ST8SIA4: variants seen among roughly 807,000 people sequenced by gnomAD.
ST8SIA4 encodes ST8 alpha-N-acetyl-neuraminide alpha-2,8-sialyltransferase 4, also known as CMP-N-acetylneuraminate-poly-alpha-2,8-sialyltransferase.
Under a neutral mutation model 33.9 loss-of-function variants are expected in ST8SIA4, and 15 were observed. The observed-to-expected ratio is 0.44, with a 90% CI of 0.30 to 0.68. ST8SIA4 has a LOEUF of 0.68. ST8SIA4 is among the 30% of genes least tolerant of loss of function. ST8SIA4 has a pLI of 0.10. For synonymous variants in ST8SIA4, 171 were observed against 151.2 expected (o/e 1.13, Z -0.96); for missense variants, 321 against 428.0 (o/e 0.75, Z 2.21).
At chr5:100,887,858 T>C (rs1042416584) in intron 2 of ST8SIA4, among the ~76,000 whole-genome samples, 5 of 152,018 alleles carry the variant, frequency 3.3e-5, no homozygotes, top group Non-Finnish European at 4.4e-5. Flanking sequence ...CATGCTGAGA[T>C]GAAAGGGAAT....
chr5:100,834,449 T>C (rs1751324174), intron 4 of ST8SIA4, among the ~76,000 whole-genome samples: 1 of 152,202 alleles, frequency 6.6e-6, no homozygotes, highest in Non-Finnish European at 1.5e-5. Context: ...GGTATTATTA[T>C]GGTATTTATT....
At chr5:100,825,672 C>T (rs184691058) in intron 4 of ST8SIA4, among the ~76,000 whole-genome samples, 4 of 152,172 alleles carry the variant, frequency 2.6e-5, no homozygotes, top group Non-Finnish European at 5.9e-5. Context: ...CATTAAGTGG[C>T]GTTTTAGGTC....
rs746090411 is a variant in ST8SIA4, at chr5:100,886,374, T to C, written c.472A>G (p.Lys158Glu). 11 of 1,613,744 alleles carry C rather than the reference T, an allele frequency of 6.8e-6. No individual in the cohort carries two copies. In the Admixed American group the frequency reaches 1.8e-4, roughly 27 times the overall value. Reference sequence around the variant, plus strand: ...ACAAAATTGTGACTGTCAATCTCCTTTCCACATTCACTGTCTAACAGAATG... The same window carrying C: ...ACAAAATTGTGACTGTCAATCTCCTCTCCACATTCACTGTCTAACAGAATG... ...SGILLDSECGKEIDSHNFVIR... is the reference protein window; with the variant it reads ...SGILLDSECGEEIDSHNFVIR... Residue 158 changes from lysine to glutamate, a missense_variant, in exon 3 of 5, where the codon AAG (lysine) becomes GAG (glutamate). Coordinates refer to ENST00000231461, the MANE Select transcript of ST8SIA4 (RefSeq NM_005668.6).
At chr5:100,819,631 C>T (rs192724591) in intron 4 of ST8SIA4, among the ~76,000 whole-genome samples, 1 of 152,160 alleles carries the variant, frequency 6.6e-6, no homozygotes, top group African/African-American at 2.4e-5. Flanking sequence ...AGAAAATATT[C>T]CTCCTGGCCT....
intron 2 of ST8SIA4, among the ~76,000 whole-genome samples, chr5:100,892,822 C>T (rs888292201): frequency 2.3e-4 from 35 of 151,910 alleles, no homozygotes; most frequent in African/African-American, 6.8e-4. Flanking sequence ...GACCATCACA[C>T]ACCCGGGCCT....
chr5:100,884,523 A>G (rs1469508415), intron 3 of ST8SIA4, among the ~76,000 whole-genome samples: 1 of 152,238 alleles, frequency 6.6e-6, no homozygotes, highest in Admixed American at 6.5e-5. Flanking sequence ...AGTGAGATAT[A>G]TGCAGGCTAT....
chr5:100,814,633 T>G (rs1750876411), intron 4 of ST8SIA4, among the ~76,000 whole-genome samples: 1 of 151,886 alleles, frequency 6.6e-6, no homozygotes, highest in Non-Finnish European at 1.5e-5. Flanking sequence ...AGTAATAACT[T>G]TCTAAAAATT....
intron 4 of ST8SIA4, among the ~76,000 whole-genome samples, chr5:100,830,875 T>C (rs1343393950): frequency 6.6e-6 from 1 of 152,216 alleles, no homozygotes. Flanking sequence ...AGTAATCATA[T>C]CTATTTATGT....
chr5:100,824,894 GA>G (rs1751109455), intron 4 of ST8SIA4, among the ~76,000 whole-genome samples: 1 of 31,928 alleles, frequency 3.1e-5, no homozygotes, highest in East Asian at 7.7e-4. Context: ...ACCCTGTCTT[GA>G]CAAAAAAAAA....
At chr5:100,868,402 T>A (rs1011622527) in intron 3 of ST8SIA4, among the ~76,000 whole-genome samples, 2 of 152,034 alleles carry the variant, frequency 1.3e-5, no homozygotes, top group East Asian at 3.8e-4. Flanking sequence ...ATAAAATCTA[T>A]TCTATTACTA....
intron 3 of ST8SIA4, among the ~76,000 whole-genome samples, chr5:100,858,053 C>T (rs1427751285): frequency 6.6e-6 from 1 of 151,936 alleles, no homozygotes; most frequent in Non-Finnish European, 1.5e-5. Context: ...AAAAGATTTG[C>T]TGCATGCGAA....
chr5:100,883,112 C>T (rs547525121), intron 3 of ST8SIA4, among the ~76,000 whole-genome samples: 1 of 152,294 alleles, frequency 6.6e-6, no homozygotes, highest in East Asian at 1.9e-4. Context: ...AAAAGCCGCA[C>T]TCAATGCTAG....
intron 4 of ST8SIA4, among the ~76,000 whole-genome samples, chr5:100,833,134 G>T (rs1751295089): frequency 6.6e-6 from 1 of 152,056 alleles, no homozygotes; most frequent in African/African-American, 2.4e-5. Flanking sequence ...ATTCTTATTG[G>T]TTAACATATT....
chr5:100,843,273 T>C (rs1488270809), intron 4 of ST8SIA4, among the ~76,000 whole-genome samples: 1 of 151,854 alleles, frequency 6.6e-6, no homozygotes, highest in Non-Finnish European at 1.5e-5. Flanking sequence ...GGAAAAGCAA[T>C]ATAGACCATA....
intron 2 of ST8SIA4, 143 bp from the exon 3 acceptor site, chr5:100,886,743 T>C (rs924402766): frequency 4.4e-6 from 3 of 686,776 alleles, no homozygotes; most frequent in African/African-American, 1.8e-5. Context: ...CTATGAATCT[T>C]AGGTGGTGAT....
chr5:100,820,178 C>T (rs1032602520), intron 4 of ST8SIA4, among the ~76,000 whole-genome samples: 2 of 152,278 alleles, frequency 1.3e-5, no homozygotes, highest in South Asian at 4.1e-4. Flanking sequence ...AAAACATTCA[C>T]TTCTATATGG....
chr5:100,863,179 C>G (rs1751985079), intron 3 of ST8SIA4, among the ~76,000 whole-genome samples: 1 of 152,166 alleles, frequency 6.6e-6, no homozygotes, highest in Admixed American at 6.5e-5. Context: ...GAAGGTTGTG[C>G]TCCTCTGAAA....
At position 100,886,363 on chromosome 5, in the gene ST8SIA4, G is replaced by A. The variant is rs988374885; in HGVS notation, c.483C>T (p.Asp161=). ...CTCACCTTATTACAAAATTGTGACT[G>A]TCAATCTCCTTTCCACATTCACTGT... ...LLDSECGKEI[D]SHNFVIRCNL... Residue 161 remains aspartate (D), a synonymous_variant, in exon 3 of 5, where the codon GAC becomes GAT. Transcript: ENST00000231461. 6.2e-7 allele frequency: 1 copy of A among 1,613,610 alleles called. No individual in the cohort carries two copies. Among genetic ancestry groups the A allele is most frequent in the Non-Finnish European group, 8.5e-7 (1 of 1,179,640 alleles).
intron 4 of ST8SIA4, among the ~76,000 whole-genome samples, chr5:100,816,833 T>C (rs1209148788): frequency 1.3e-5 from 2 of 152,130 alleles, no homozygotes; most frequent in Non-Finnish European, 2.9e-5. Flanking sequence ...GTAACTGAGA[T>C]TTGTGCTGCA....
Sources: allele counts gnomAD v4.1 joint callset (sites outside exome capture counted in the v4.1 genomes callset), GRCh38; gene constraint gnomAD v4.1.1; transcripts MANE v1.5; gene names NCBI Gene and HGNC (gene_info 2026-07-23, HGNC 2026-07-21).